The following SLC22A3 variants were observed in gnomAD, a reference collection of about 807,000 sequenced individuals.
SLC22A3 encodes the protein solute carrier family 22 member 3.
Under a neutral mutation model 59.1 loss-of-function variants are expected in SLC22A3, and 51 were observed. That is an observed-to-expected ratio of 0.86 (90% CI 0.69 to 1.09). The LOEUF (loss-of-function observed/expected upper bound fraction) is 1.09, where lower values mean the gene tolerates loss of function less well. Among genes scored for constraint, SLC22A3 ranks in the 50% least tolerant of loss-of-function variants. SLC22A3 has a pLI of 0.00. For synonymous variants in SLC22A3, 325 were observed against 292.0 expected (o/e 1.11, Z -1.15); for missense variants, 711 against 726.3 (o/e 0.98, Z 0.24).
intron 9 of SLC22A3, among the ~76,000 whole-genome samples, chr6:160,447,284 G>T (rs1318293353): frequency 6.6e-6 from 1 of 152,168 alleles, no homozygotes; most frequent in Non-Finnish European, 1.5e-5. Flanking sequence ...GCTGGTCCCG[G>T]AGTAGACACC....
Position 160,363,500 on chromosome 6 carries a change from C to T in SLC22A3, c.429+14652C>T, listed in dbSNP as rs117269079. On this transcript the variant is annotated intron_variant, in intron 1 of 10. Coordinates refer to ENST00000275300, the MANE Select transcript of SLC22A3 (RefSeq NM_021977.4). ...GGCTCCGGTTGTCACCCCTGGCAGGCGTGTGCCCAGCTTAGATCCACCTGC... is the reference window on the plus strand; with the variant it reads ...GGCTCCGGTTGTCACCCCTGGCAGGTGTGTGCCCAGCTTAGATCCACCTGC... Among the ~76,000 whole-genome samples the T allele has an allele frequency of 1.9e-3, 296 of 152,288 alleles. 5 individuals carry two copies. The East Asian group carries it at 0.037, about 19-fold the overall frequency.
chr6:160,369,022 A>G (rs575407988), intron 1 of SLC22A3, among the ~76,000 whole-genome samples: 23 of 152,344 alleles, frequency 1.5e-4, no homozygotes, highest in Admixed American at 7.8e-4. Flanking sequence ...TGTAGAAAGC[A>G]TTCTATTTAG....
At chr6:160,442,898 C>T in intron 8 of SLC22A3, 29 bp downstream of exon 8, 1 of 1,515,480 alleles carries the variant, frequency 6.6e-7, no homozygotes. Flanking sequence ...ATAGTTTCTC[C>T]TAAGTAACTC....
chr6:160,381,398 G>C (rs776989677), intron 1 of SLC22A3, among the ~76,000 whole-genome samples: 1 of 152,206 alleles, frequency 6.6e-6, no homozygotes, highest in Non-Finnish European at 1.5e-5. Flanking sequence ...AACAGAAGCT[G>C]ACTCCTCTCC....
chr6:160,432,497 C>T (rs955876825), intron 5 of SLC22A3, among the ~76,000 whole-genome samples: 4 of 148,454 alleles, frequency 2.7e-5, no homozygotes, highest in Non-Finnish European at 3.0e-5. Context: ...GGCACGATCT[C>T]GGCTCACTGC....
chr6:160,386,002 A>G (rs1785993694), intron 1 of SLC22A3, among the ~76,000 whole-genome samples: 2 of 152,178 alleles, frequency 1.3e-5, no homozygotes, highest in South Asian at 4.1e-4. Context: ...GTTATTGTGC[A>G]TAGCAGTGTC....
At chr6:160,383,740 G>T (rs1454546111) in intron 1 of SLC22A3, among the ~76,000 whole-genome samples, 1 of 151,982 alleles carries the variant, frequency 6.6e-6, no homozygotes, top group Non-Finnish European at 1.5e-5. Context: ...CCTTATCCAT[G>T]GGGTCTGCAT....
chr6:160,445,811 G>T (rs1788716989), intron 9 of SLC22A3, among the ~76,000 whole-genome samples: 1 of 152,232 alleles, frequency 6.6e-6, no homozygotes, highest in African/African-American at 2.4e-5. Context: ...AAGGCTGAGG[G>T]TCTGCAGGGT....
intron 7 of SLC22A3, among the ~76,000 whole-genome samples, chr6:160,437,548 C>T (rs890748600): frequency 1.3e-5 from 2 of 152,204 alleles, no homozygotes; most frequent in African/African-American, 4.8e-5. Flanking sequence ...CTCTGCCATG[C>T]TGCTGGCACC....
At position 160,451,033 on chromosome 6, in the gene SLC22A3, CCA is replaced by C. The variant is rs1463659154; in HGVS notation, c.1649_1650del (p.Pro550ArgfsTer49). The C allele has an allele frequency of 2.5e-6, 4 of 1,595,436 alleles. No individual in the cohort carries two copies. The highest frequency in any genetic ancestry group is 3.4e-6 in the Non-Finnish European group (4 of 1,169,392). On this transcript the variant is annotated frameshift_variant, in exon 11 of 11. Coordinates refer to ENST00000275300, the MANE Select transcript of SLC22A3 (RefSeq NM_021977.4). LOFTEE classifies it high-confidence loss of function. Reference sequence around the variant, plus strand: ...TAAATGTGGCAGGAATAAGAAAACCCCAGTTTCCCGCTCTCACCTTTGAGGCC... The same window carrying C: ...TAAATGTGGCAGGAATAAGAAAACCCGTTTCCCGCTCTCACCTTTGAGGCC... ...SCKCGRNKKT[P>X]VSRSHL
intron 5 of SLC22A3, among the ~76,000 whole-genome samples, chr6:160,414,594 TG>T (rs1162931373): frequency 6.6e-6 from 1 of 152,244 alleles, no homozygotes; most frequent in Non-Finnish European, 1.5e-5. Context: ...TCTGCAGGGC[TG>T]GGGAGGCCTC....
chr6:160,353,301 C>T (rs1292757145), intron 1 of SLC22A3, among the ~76,000 whole-genome samples: 1 of 152,182 alleles, frequency 6.6e-6, no homozygotes, highest in East Asian at 1.9e-4. Flanking sequence ...ATCTCCTGCT[C>T]CTCTCTGGCA....
At chr6:160,438,591 CACACAT>C (rs1054258001) in intron 7 of SLC22A3, among the ~76,000 whole-genome samples, 5 of 45,488 alleles carry the variant, frequency 1.1e-4, no homozygotes, top group South Asian at 9.1e-4. Flanking sequence ...CACACACACA[CACACAT>C]ACACACACAC....
intron 1 of SLC22A3, among the ~76,000 whole-genome samples, chr6:160,382,455 T>C (rs559580682): frequency 6.6e-6 from 1 of 152,348 alleles, no homozygotes; most frequent in South Asian, 2.1e-4. Flanking sequence ...TAGGGATTTG[T>C]CAGTTGCTGC....
chr6:160,381,725 T>C (rs182881904), intron 1 of SLC22A3, among the ~76,000 whole-genome samples: 2 of 152,324 alleles, frequency 1.3e-5, no homozygotes, highest in East Asian at 3.9e-4. Context: ...ATGTCTATTT[T>C]CAGCCATGAT....
chr6:160,356,478 C>A (rs1047766146), intron 1 of SLC22A3, among the ~76,000 whole-genome samples: 1 of 152,188 alleles, frequency 6.6e-6, no homozygotes, highest in Non-Finnish European at 1.5e-5. Flanking sequence ...TCCCAGCTGT[C>A]CTGGCACCAC....
chr6:160,359,875 C>T (rs940420175), intron 1 of SLC22A3, among the ~76,000 whole-genome samples: 5 of 152,116 alleles, frequency 3.3e-5, no homozygotes, highest in Admixed American at 6.6e-5. Context: ...ACTGTATTAA[C>T]ATTTGTAAAC....
intron 1 of SLC22A3, among the ~76,000 whole-genome samples, chr6:160,371,871 A>G (rs1785410343): frequency 6.6e-6 from 1 of 152,178 alleles, no homozygotes; most frequent in African/African-American, 2.4e-5. Flanking sequence ...TTGCCATTCT[A>G]ACTGGCTTGA....
chr6:160,363,386 A>G lies in SLC22A3; in HGVS notation c.429+14538A>G, dbSNP rs1224106161. 2.0e-5 allele frequency among the ~76,000 whole-genome samples: 3 copies of G among 152,302 alleles called. 1 individual carries two copies. The highest frequency in any genetic ancestry group is 6.8e-3 in the Middle Eastern group (2 of 294). On this transcript the variant is annotated intron_variant, in intron 1 of 10. Coordinates refer to ENST00000275300, the MANE Select transcript of SLC22A3 (RefSeq NM_021977.4). ...CTGTGAGGCAGGAAGCTCAGAGTCCAGGCCCCGTGCCCCTCTTTGGGGGCT... is the reference window on the plus strand; with the variant it reads ...CTGTGAGGCAGGAAGCTCAGAGTCCGGGCCCCGTGCCCCTCTTTGGGGGCT...
Sources: allele counts gnomAD v4.1 joint callset (sites outside exome capture counted in the v4.1 genomes callset), GRCh38; gene constraint gnomAD v4.1.1; transcripts MANE v1.5; gene names NCBI Gene and HGNC (gene_info 2026-07-23, HGNC 2026-07-21).